The following PPCDC variants were observed in gnomAD, a reference collection of about 807,000 sequenced individuals.
PPCDC encodes the protein phosphopantothenoylcysteine decarboxylase.
PPCDC carries 20 observed loss-of-function variants against 20.7 expected under a neutral mutation model. The ratio of observed to expected loss-of-function variants is 0.97; its 90% CI spans 0.68 to 1.41. PPCDC has a LOEUF of 1.41. Among genes scored for constraint, PPCDC ranks in the 40% most tolerant of loss-of-function variants. The probability of loss-of-function intolerance (pLI) is 0.00; values close to 1 mark genes in which losing one functional copy is unlikely to be tolerated. For missense variants in PPCDC, 246 were observed against 263.8 expected (o/e 0.93, Z 0.47); for synonymous variants, 88 against 100.3 (o/e 0.88, Z 0.73).
chr15:75,046,320 G>A (rs932162847), intron 4 of PPCDC, among the ~76,000 whole-genome samples: 1 of 152,260 alleles, frequency 6.6e-6, no homozygotes, highest in Non-Finnish European at 1.5e-5. Context: ...TTGGGTCAGA[G>A]TTGTGTGTGG....
Position 75,049,205 on chromosome 15 carries a change from C to T in PPCDC, c.585C>T (p.Leu195=), listed in dbSNP as rs781570370. 1 of 1,614,224 alleles carries T rather than the reference C, an allele frequency of 6.2e-7. No homozygotes were observed. The highest frequency in any genetic ancestry group is 1.1e-5 in the South Asian group (1 of 91,084). Residue 195 remains leucine, a synonymous_variant, in exon 6 of 6, where the codon CTC becomes CTT. Coordinates refer to ENST00000342932, the MANE Select transcript of PPCDC (RefSeq NM_021823.5). ...TCGTGGACAAAGTGAAAGAAGTCCT[C>T]TTCCAGCACAGTGGCTTCCAGCAGA... ...GTIVDKVKEV[L]FQHSGFQQS
chr15:75,031,648 G>A (rs2066023187), intron 2 of PPCDC, among the ~76,000 whole-genome samples: 1 of 152,160 alleles, frequency 6.6e-6, no homozygotes, highest in Non-Finnish European at 1.5e-5. Flanking sequence ...AGGTTGCAGT[G>A]AGCTGAGATC....
chr15:75,042,681 T>C (rs1385533960), intron 2 of PPCDC, among the ~76,000 whole-genome samples: 3 of 152,038 alleles, frequency 2.0e-5, no homozygotes, highest in African/African-American at 7.2e-5. Flanking sequence ...AAATCTTGTT[T>C]TACAAATGAT....
intron 2 of PPCDC, among the ~76,000 whole-genome samples, chr15:75,042,856 C>T (rs1181761079): frequency 6.6e-6 from 1 of 152,148 alleles, no homozygotes; most frequent in African/African-American, 2.4e-5. Flanking sequence ...GTAGGGCACA[C>T]ACAGGCTGGG....
At chr15:75,024,754 C>T (rs2141470124) in intron 1 of PPCDC, among the ~76,000 whole-genome samples, 1 of 151,628 alleles carries the variant, frequency 6.6e-6, no homozygotes, top group South Asian at 2.1e-4. Context: ...CTCACTGCAT[C>T]TTCGAACTCC....
intron 1 of PPCDC, among the ~76,000 whole-genome samples, chr15:75,025,413 C>T (rs2065948976): frequency 2.6e-5 from 4 of 152,226 alleles, no homozygotes; most frequent in Admixed American, 2.6e-4. Flanking sequence ...TAGTCTGGTT[C>T]TGTGCCAGCT....
chr15:75,042,575 C>T (rs1749691786), intron 2 of PPCDC, among the ~76,000 whole-genome samples: 1 of 151,106 alleles, frequency 6.6e-6, no homozygotes, highest in Admixed American at 6.6e-5. Context: ...ATGGCTTGAA[C>T]CTGGGAGGCG....
At chr15:75,032,732 C>CCCA (rs1555413323) in intron 2 of PPCDC, among the ~76,000 whole-genome samples, 1 of 132,102 alleles carries the variant, frequency 7.6e-6, no homozygotes, top group Non-Finnish European at 1.6e-5. Flanking sequence ...GGACCCCCCC[C>CCCA]CCCAAGGCCA....
chr15:75,030,809 G>A (rs1329722359), intron 2 of PPCDC, among the ~76,000 whole-genome samples: 7 of 152,142 alleles, frequency 4.6e-5, no homozygotes, highest in African/African-American at 1.7e-4. Context: ...CAGGGAGCTG[G>A]GGGATTCTAC....
chr15:75,048,529 C>A (rs199962245), intron 4 of PPCDC, 24 bp from the exon 5 acceptor site: 3 of 1,608,784 alleles, frequency 1.9e-6, no homozygotes, highest in Middle Eastern at 1.7e-4. Flanking sequence ...AGCAAGACCC[C>A]CACTTCCCTG....
intron 5 of PPCDC, 124 bp downstream of exon 5, chr15:75,048,845 C>A: frequency 7.8e-7 from 1 of 1,284,860 alleles, no homozygotes; most frequent in Non-Finnish European, 1.1e-6. Context: ...TTAGCTTTCT[C>A]AGCTGGAAAA....
intron 2 of PPCDC, among the ~76,000 whole-genome samples, chr15:75,029,236 T>C (rs2141475916): frequency 6.6e-6 from 1 of 152,344 alleles, no homozygotes; most frequent in Non-Finnish European, 1.5e-5. Context: ...TTTCACATTC[T>C]GTGCAAAGCC....
At chr15:75,024,198 G>T (rs1314527047) in intron 1 of PPCDC, among the ~76,000 whole-genome samples, 2 of 152,148 alleles carry the variant, frequency 1.3e-5, no homozygotes, top group Non-Finnish European at 2.9e-5. Context: ...TTGCCAAGTT[G>T]GGGAAGTGGT....
intron 1 of PPCDC, among the ~76,000 whole-genome samples, chr15:75,024,176 G>A (rs2065935415): frequency 6.6e-6 from 1 of 152,204 alleles, no homozygotes; most frequent in African/African-American, 2.4e-5. Flanking sequence ...GCTAGATGGT[G>A]AGCAGGAGAG....
chr15:75,042,159 C>A (rs1174920343), intron 2 of PPCDC, among the ~76,000 whole-genome samples: 1 of 152,208 alleles, frequency 6.6e-6, no homozygotes, highest in Non-Finnish European at 1.5e-5. Flanking sequence ...AGACATGGCC[C>A]ATGACTATAG....
At chr15:75,035,992 A>G (rs966363039) in intron 2 of PPCDC, among the ~76,000 whole-genome samples, 7 of 151,026 alleles carry the variant, frequency 4.6e-5, no homozygotes, top group African/African-American at 1.7e-4. Context: ...AAGGAAAAAA[A>G]CTTTTTTCTA....
rs1011735265 is a variant in PPCDC at position 75,028,248 on chromosome 15, T to C, written c.-71T>C. On this transcript the variant is annotated splice_region_variant and 5_prime_UTR_variant, in exon 2 of 6. Transcript: ENST00000342932. ...GGGTGGCCCTTGTTCTCCTTTTAGA[T>C]CCTAAATCCCGACAGCTTTATAGAG... 1.3e-6 allele frequency: 2 copies of C among 1,569,768 alleles called. No homozygotes were observed. Among genetic ancestry groups the C allele is most frequent in the African/African-American group, 2.8e-5 (2 of 72,314 alleles).
chr15:75,046,477 C>T (rs909934617), intron 4 of PPCDC, among the ~76,000 whole-genome samples: 1 of 152,252 alleles, frequency 6.6e-6, no homozygotes, highest in Admixed American at 6.5e-5. Flanking sequence ...TCTGCTTCCC[C>T]TTTTCCTTCT....
intron 2 of PPCDC, among the ~76,000 whole-genome samples, chr15:75,042,652 C>CAAA (rs768744006): frequency 4.5e-5 from 4 of 89,808 alleles, no homozygotes; most frequent in African/African-American, 1.4e-4. Flanking sequence ...GACTCCATCT[C>CAAA]AAAAAAAAAA....
Sources: gnomAD v4.1 joint callset for allele counts (sites outside exome capture counted in the v4.1 genomes callset) on GRCh38, gnomAD v4.1.1 for gene constraint, MANE v1.5 for transcripts, NCBI Gene and HGNC (gene_info 2026-07-23, HGNC 2026-07-21) for gene names.